The following RAP1GAP2 variants were observed in gnomAD, a reference collection of about 807,000 sequenced individuals.
The protein encoded by RAP1GAP2 is rap1 GTPase-activating protein 2.
RAP1GAP2 carries 27 observed loss-of-function variants against 95.0 expected under a neutral mutation model. The observed-to-expected ratio is 0.28, with a 90% CI of 0.21 to 0.39. RAP1GAP2 has a LOEUF of 0.39. RAP1GAP2 is among the 10% of genes least tolerant of loss of function. The pLI is 1.00. For synonymous variants in RAP1GAP2, 373 were observed against 380.9 expected, an observed-to-expected ratio of 0.98 and a Z score of 0.24; for missense variants, 771 against 970.0, an observed-to-expected ratio of 0.79 and a Z score of 2.72.
At chr17:3,017,126 G>A (rs145315731) in intron 17 of RAP1GAP2, among the ~76,000 whole-genome samples, 84 of 152,276 alleles carry the variant, frequency 5.5e-4, no homozygotes, top group African/African-American at 2.0e-3. Context: ...GCCGAGCTCT[G>A]CTTCAACACA....
At chr17:2,920,891 T>A (rs7220216) in intron 3 of RAP1GAP2, among the ~76,000 whole-genome samples, 19,136 of 152,140 alleles carry the variant, frequency 0.13, 1,820 homozygotes, top group African/African-American at 0.27. Flanking sequence ...CGCTACCCTC[T>A]TCCATGAGTG....
In RAP1GAP2 at chr17:2,796,547, G is replaced by T; in HGVS notation, c.20G>T (p.Ser7Ile). ...ACAACCATGTTTGGCCGGAAGCGCAGTGTCTCCTTTGGGGGCTTCGGATGG... is the reference window on the plus strand; with the variant it reads ...ACAACCATGTTTGGCCGGAAGCGCATTGTCTCCTTTGGGGGCTTCGGATGG... Reference protein sequence around the residue: MFGRKRSVSFGGFGWID... With the variant: MFGRKRIVSFGGFGWID... The change falls in exon 1 of 25, where the codon AGT becomes ATT. Residue 7 changes from serine (S) to isoleucine (I), a missense_variant. By Grantham distance (142) the Ser-to-Ile change is moderately radical. Transcript: ENST00000254695. This position sits in a 1 kb window ranked among gnomAD's most constrained non-coding sequence, Gnocchi z 4.7. 6.4e-7 allele frequency: 1 copy of T among 1,564,732 alleles called. No individual in the cohort carries two copies.
chr17:2,938,636 C>T (rs1054737217), intron 3 of RAP1GAP2, among the ~76,000 whole-genome samples: 2 of 152,082 alleles, frequency 1.3e-5, no homozygotes, highest in Admixed American at 6.6e-5. Context: ...TTTATTTAAA[C>T]CATGTTAATT....
intron 2 of RAP1GAP2, among the ~76,000 whole-genome samples, chr17:2,822,857 T>TC (rs1171958060): frequency 2.0e-5 from 3 of 151,756 alleles, no homozygotes; most frequent in African/African-American, 4.8e-5. Context: ...CCCTCCCCAC[T>TC]CCCCCCAGTC....
At position 2,829,889 on chromosome 17, in the gene RAP1GAP2, A is replaced by G. The variant is rs537281777; in HGVS notation, c.80+29339A>G. 3.3e-5 allele frequency among the ~76,000 whole-genome samples: 5 copies of G among 149,816 alleles called. No homozygotes were observed. In the East Asian group the frequency reaches 9.8e-4, roughly 29 times the overall value. ...CTAGTCTTGAATTCCTGGCTTCAAG[A>G]GATCCTTCTGCCTCAGTCTCTCGAG... On this transcript the variant is annotated intron_variant, in intron 2 of 24. Coordinates refer to ENST00000254695, the MANE Select transcript of RAP1GAP2 (RefSeq NM_015085.5).
chr17:2,881,093 T>G (rs1235271762), intron 2 of RAP1GAP2, among the ~76,000 whole-genome samples: 1 of 152,076 alleles, frequency 6.6e-6, no homozygotes, highest in Non-Finnish European at 1.5e-5. Flanking sequence ...AAGCCCCATC[T>G]CTACTAAAAA....
Position 2,807,186 on chromosome 17 carries a change from C to T in RAP1GAP2, c.80+6636C>T, listed in dbSNP as rs1418346905. On this transcript the variant is annotated intron_variant, in intron 2 of 24. Coordinates refer to ENST00000254695, the MANE Select transcript of RAP1GAP2 (RefSeq NM_015085.5). ...TGCTGGGATTACAGGCTTGGGCCAC[C>T]GCCTCCGGCCGTTGATTCCAATTTA... is the stretch of plus-strand genomic sequence containing the variant. Among the ~76,000 whole-genome samples the T allele has an allele frequency of 4.6e-5, 7 of 152,216 alleles. No individual in the cohort carries two copies. The South Asian group carries it at 6.2e-4, about 13-fold the overall frequency.
At chr17:3,030,153 T>C (rs1266595230) in intron 22 of RAP1GAP2, among the ~76,000 whole-genome samples, 1 of 135,504 alleles carries the variant, frequency 7.4e-6, no homozygotes, top group African/African-American at 2.7e-5. Context: ...GTTATATGTA[T>C]ATACATATGT....
chr17:2,882,032 G>C (rs1248301843), intron 2 of RAP1GAP2, among the ~76,000 whole-genome samples: 2 of 151,492 alleles, frequency 1.3e-5, no homozygotes, highest in African/African-American at 4.9e-5. Context: ...GTGTTAGCCA[G>C]GATGGCCTCG....
At chr17:2,955,417 A>G (rs1329029626) in intron 3 of RAP1GAP2, among the ~76,000 whole-genome samples, 1 of 151,784 alleles carries the variant, frequency 6.6e-6, no homozygotes, top group Admixed American at 6.6e-5. Context: ...GTTCCTTTGT[A>G]TGTCTTCTTT....
chr17:2,908,260 C>T (rs112450735), intron 3 of RAP1GAP2, among the ~76,000 whole-genome samples: 4 of 152,076 alleles, frequency 2.6e-5, no homozygotes, highest in Admixed American at 6.6e-5. Flanking sequence ...CTGGTGAAGC[C>T]GGAGTTAGTG....
rs1443934564 is a variant in RAP1GAP2, at chr17:2,800,548, C to G, written c.78C>G (p.Val26=). The G allele has an allele frequency of 1.2e-6, 2 of 1,612,656 alleles. No homozygotes were observed. Among genetic ancestry groups the G allele is most frequent in the East Asian group, 2.2e-5 (1 of 44,864 alleles). The change falls in exon 2 of 25, where the codon GTC becomes GTG. Residue 26 remains valine (V), a splice_region_variant and synonymous_variant. Coordinates refer to ENST00000254695, the MANE Select transcript of RAP1GAP2 (RefSeq NM_015085.5). ...IDKTMLASLK[V]KKQELANSSD... The stretch of plus-strand genomic sequence containing the variant: ...AGACCATGCTGGCAAGTCTGAAGGT[C>G]AAGTAAGTAGCAATTTCCTGTTCTG...
intron 11 of RAP1GAP2, among the ~76,000 whole-genome samples, chr17:2,987,483 C>T (rs918918894): frequency 2.6e-5 from 4 of 152,008 alleles, no homozygotes; most frequent in African/African-American, 4.8e-5. Flanking sequence ...GCCTCAGCTC[C>T]CTCGAGCAGC....
chr17:2,953,976 G>C (rs529895741), intron 3 of RAP1GAP2, among the ~76,000 whole-genome samples: 2 of 152,152 alleles, frequency 1.3e-5, no homozygotes, highest in African/African-American at 4.8e-5. Flanking sequence ...GTACCTTTTA[G>C]CTATCACCTT....
At chr17:2,817,491 A>G (rs2070071006) in intron 2 of RAP1GAP2, among the ~76,000 whole-genome samples, 1 of 119,628 alleles carries the variant, frequency 8.4e-6, no homozygotes, top group Non-Finnish European at 2.0e-5. Flanking sequence ...ATTTAGGAGC[A>G]GAATTGCTGA....
At position 2,904,346 on chromosome 17, in the gene RAP1GAP2, G is replaced by A. The variant is rs558735545; in HGVS notation, c.81-938G>A. On this transcript the variant is annotated intron_variant, in intron 2 of 24. Transcript: ENST00000254695. This position sits in a 1 kb window ranked among gnomAD's most constrained non-coding sequence, Gnocchi z 4.7. ...CACACAGCACTCCCCGGTCACCAGC[G>A]AGGGCCAGATGGAAAGTGGGGAGTG... is the stretch of plus-strand genomic sequence containing the variant. Among the ~76,000 whole-genome samples the A allele has an allele frequency of 3.9e-4, 59 of 152,156 alleles. No homozygotes were observed. The highest frequency in any genetic ancestry group is 7.1e-4 in the Non-Finnish European group (48 of 68,026).
intron 13 of RAP1GAP2, among the ~76,000 whole-genome samples, chr17:2,997,508 C>G (rs2046000676): frequency 6.6e-6 from 1 of 152,158 alleles, no homozygotes; most frequent in South Asian, 2.1e-4. Context: ...CCCGCCTTGC[C>G]TTTTAAATAT....
rs761510890 is a variant in RAP1GAP2 at position 2,902,799 on chromosome 17, CA to C, written c.81-2484del. Among the ~76,000 whole-genome samples, 71 of 152,294 alleles carry C rather than the reference CA, an allele frequency of 4.7e-4. No homozygotes were observed. The highest frequency in any genetic ancestry group is 8.2e-4 in the Non-Finnish European group (56 of 68,032). On this transcript the variant is annotated intron_variant, in intron 2 of 24. Transcript: ENST00000254695. The surrounding 1 kb of genome is among the most constrained non-coding windows in gnomAD (Gnocchi z 4.1). Reference sequence around the variant, plus strand: ...CGGCCCCAGGAGCTTATCCAGCATCCAGGGGGAAAAGGCAGGGGAGAGGGGC... The same window carrying C: ...CGGCCCCAGGAGCTTATCCAGCATCCGGGGGAAAAGGCAGGGGAGAGGGGC...
intron 21 of RAP1GAP2, among the ~76,000 whole-genome samples, 157 bp downstream of exon 21, chr17:3,026,621 C>T (rs377405940): frequency 6.6e-6 from 1 of 152,208 alleles, no homozygotes; most frequent in South Asian, 2.1e-4. Context: ...GCCATCACCA[C>T]CCCCTGGGCG....
Sources: gnomAD v4.1 joint callset for allele counts (sites outside exome capture counted in the v4.1 genomes callset) on GRCh38, gnomAD v4.1.1 for gene constraint, Gnocchi (gnomAD v3.1) non-coding constraint, MANE v1.5 for transcripts, NCBI Gene and HGNC (gene_info 2026-07-23, HGNC 2026-07-21) for gene names.